PAM: variants seen among roughly 807,000 people sequenced by gnomAD.
PAM encodes peptidyl-glycine alpha-amidating monooxygenase.
Under a neutral mutation model 122.1 loss-of-function variants are expected in PAM, and 72 were observed. The ratio of observed to expected loss-of-function variants is 0.59; its 90% CI spans 0.49 to 0.72. The LOEUF (loss-of-function observed/expected upper bound fraction) is 0.72, where lower values mean the gene tolerates loss of function less well. Ranked by LOEUF, PAM falls within the 30% of genes least tolerant of loss-of-function variation. The pLI, the probability that PAM is intolerant of heterozygous loss-of-function variation, is 0.00. For synonymous variants in PAM, 389 were observed against 404.4 expected, an observed-to-expected ratio of 0.96 and a Z score of 0.46; for missense variants, 1,106 against 1,183.7, an observed-to-expected ratio of 0.93 and a Z score of 0.96.
intron 1 of PAM, among the ~76,000 whole-genome samples, chr5:102,777,501 C>A (rs1371382395): frequency 6.6e-6 from 1 of 151,956 alleles, no homozygotes. Flanking sequence ...AATAAAATTT[C>A]TAGTAAAATC....
intron 1 of PAM, among the ~76,000 whole-genome samples, chr5:102,784,083 TG>T (rs1220254722): frequency 1.3e-5 from 2 of 152,152 alleles, no homozygotes; most frequent in Admixed American, 1.3e-4. Context: ...TTAGTAGAGA[TG>T]GGGTTTCACC....
chr5:102,905,135 A>G (rs1307358682), intron 4 of PAM, among the ~76,000 whole-genome samples: 1 of 151,622 alleles, frequency 6.6e-6, no homozygotes, highest in Non-Finnish European at 1.5e-5. Context: ...TAGAATTTGA[A>G]TGGGTGAAAG....
At chr5:102,858,550 GT>G (rs1783239977) in intron 1 of PAM, among the ~76,000 whole-genome samples, 1 of 152,180 alleles carries the variant, frequency 6.6e-6, no homozygotes, top group Admixed American at 6.5e-5. Context: ...AGTTTGTAAT[GT>G]TCTTGCTAAG....
At chr5:102,963,983 A>G (rs535670261) in intron 14 of PAM, among the ~76,000 whole-genome samples, 25 of 151,464 alleles carry the variant, frequency 1.7e-4, no homozygotes, top group African/African-American at 6.0e-4. Flanking sequence ...AGAAGAAATG[A>G]CCTTTACTAA....
At chr5:102,883,885 C>T (rs1792127910) in intron 3 of PAM, among the ~76,000 whole-genome samples, 2 of 151,736 alleles carry the variant, frequency 1.3e-5, no homozygotes, top group Non-Finnish European at 2.9e-5. Context: ...AAGATATGTC[C>T]CTTCTATGCC....
chr5:102,901,059 CTT>C (rs1374310073), intron 3 of PAM, among the ~76,000 whole-genome samples: 1 of 151,552 alleles, frequency 6.6e-6, no homozygotes, highest in Non-Finnish European at 1.5e-5. Context: ...TTGTTCTACT[CTT>C]TTTATAAAAG....
intron 1 of PAM, among the ~76,000 whole-genome samples, chr5:102,845,760 T>C (rs1164892371): frequency 1.3e-5 from 2 of 152,236 alleles, no homozygotes; most frequent in African/African-American, 4.8e-5. Context: ...AGTGCTTTTA[T>C]CAGGCTTTAT....
intron 14 of PAM, among the ~76,000 whole-genome samples, chr5:102,968,714 A>C (rs1236862556): frequency 1.3e-5 from 2 of 152,190 alleles, no homozygotes. Flanking sequence ...AGGGAGTCCC[A>C]GAATAGAAAT....
At chr5:102,983,656 A>T (rs1450206059) in intron 15 of PAM, among the ~76,000 whole-genome samples, 2 of 152,284 alleles carry the variant, frequency 1.3e-5, no homozygotes, top group African/African-American at 2.4e-5. Context: ...GTTTTGAAAG[A>T]GATACAGATA....
intron 15 of PAM, among the ~76,000 whole-genome samples, chr5:102,975,358 GA>G (rs1390625176): frequency 5.3e-5 from 8 of 151,810 alleles, no homozygotes; most frequent in African/African-American, 1.9e-4. Context: ...ATTTATAATT[GA>G]AAAAAAATTA....
intron 1 of PAM, among the ~76,000 whole-genome samples, chr5:102,783,804 TGGA>T (rs1759702118): frequency 6.6e-6 from 1 of 152,162 alleles, no homozygotes. Context: ...GCATACCAGC[TGGA>T]GGGTGACAGC....
chr5:102,860,114 C>G (rs1402202333), intron 1 of PAM, among the ~76,000 whole-genome samples: 1 of 152,100 alleles, frequency 6.6e-6, no homozygotes, highest in Non-Finnish European at 1.5e-5. Context: ...TTCTTCCTGA[C>G]CGGTTCAGTC....
At chr5:102,785,007 G>A (rs1205955574) in intron 1 of PAM, among the ~76,000 whole-genome samples, 1 of 152,208 alleles carries the variant, frequency 6.6e-6, no homozygotes, top group African/African-American at 2.4e-5. Context: ...ATTGGTTTAG[G>A]ATTCAGCAAG....
intron 14 of PAM, among the ~76,000 whole-genome samples, chr5:102,964,545 T>TA: frequency 6.6e-6 from 1 of 151,928 alleles, no homozygotes; most frequent in Non-Finnish European, 1.5e-5. Context: ...AGGCTTTAAT[T>TA]GAGTCTGTAG....
chr5:102,890,565 T>A (rs915478437), intron 3 of PAM, among the ~76,000 whole-genome samples: 12 of 152,028 alleles, frequency 7.9e-5, no homozygotes, highest in African/African-American at 2.6e-4. Flanking sequence ...AAACTTTTCT[T>A]GTAACACCTA....
At chr5:102,804,400 G>C (rs1163822838) in intron 1 of PAM, among the ~76,000 whole-genome samples, 1 of 152,196 alleles carries the variant, frequency 6.6e-6, no homozygotes, top group African/African-American at 2.4e-5. Flanking sequence ...ACCTAAGCTA[G>C]AGGGGCAGTA....
At chr5:102,792,956 A>G (rs1762426460) in intron 1 of PAM, among the ~76,000 whole-genome samples, 1 of 152,146 alleles carries the variant, frequency 6.6e-6, no homozygotes, top group Non-Finnish European at 1.5e-5. Flanking sequence ...GTGTTGATCA[A>G]GTAACATTGG....
Position 102,832,366 on chromosome 5 carries a change from A to T in PAM, c.-373-33457A>T, listed in dbSNP as rs115475633. Among the ~76,000 whole-genome samples the T allele has an allele frequency of 3.2e-3, 483 of 152,126 alleles. 6 individuals are homozygous for T. The highest frequency in any genetic ancestry group is 0.011 in the African/African-American group (454 of 41,478). On this transcript the variant is annotated intron_variant, in intron 1 of 25. Coordinates refer to ENST00000438793, the MANE Select transcript of PAM (RefSeq NM_001177306.2). Reference sequence around the variant, plus strand: ...CCAGTTAATATCCCCATTTTCTTTGATTCCTATGTACAGCAGTTCCCCCTT... The same window carrying T: ...CCAGTTAATATCCCCATTTTCTTTGTTTCCTATGTACAGCAGTTCCCCCTT...
In PAM at chr5:102,983,872, T is replaced by C. The variant is rs1405275506; in HGVS notation, c.1484-6400T>C. Among the ~76,000 whole-genome samples the C allele has an allele frequency of 2.0e-5, 3 of 152,186 alleles. No individual in the cohort carries two copies. The East Asian group carries it at 5.8e-4, about 29-fold the overall frequency. On this transcript the variant is annotated intron_variant, in intron 15 of 25. Transcript: ENST00000438793. ...TTAAACCTTACAGATCGGGAGACAG[T>C]GTAAATTGATATATTCAAAGTGTTA...
Sources: gnomAD v4.1 joint callset for allele counts (sites outside exome capture counted in the v4.1 genomes callset) on GRCh38, gnomAD v4.1.1 for gene constraint, MANE v1.5 for transcripts, NCBI Gene and HGNC (gene_info 2026-07-23, HGNC 2026-07-21) for gene names.